Variants in TAB1 observed in about 807,000 individuals in gnomAD.
TAB1 encodes the protein TGF-beta-activated kinase 1 and MAP3K7-binding protein 1.
TAB1 carries 30 observed loss-of-function variants against 54.5 expected under a neutral mutation model. That is an observed-to-expected ratio of 0.55 (90% CI 0.41 to 0.75). TAB1 has a LOEUF of 0.75. Ranked by LOEUF, TAB1 falls within the 30% of genes least tolerant of loss-of-function variation. The pLI is 0.00. For synonymous variants in TAB1, 289 were observed against 286.9 expected (o/e 1.01, Z -0.07); for missense variants, 609 against 683.2 (o/e 0.89, Z 1.21).
At chr22:39,429,825 T>C (rs570824090) in intron 10 of TAB1, 190 bp from the exon 11 acceptor site, 292 of 985,430 alleles carry the variant, frequency 3.0e-4, no homozygotes, top group Admixed American at 2.8e-3. Context: ...CACATGCATC[T>C]GGTGCTTTAA....
chr22:39,426,553 G>A (rs1442286751), intron 8 of TAB1, 150 bp from the exon 9 acceptor site: 1 of 648,754 alleles, frequency 1.5e-6, no homozygotes, highest in Non-Finnish European at 2.6e-6. Context: ...ACCTTGAAAG[G>A]CTCAGATTGC....
chr22:39,400,890 C>A (rs1424866537), intron 1 of TAB1, among the ~76,000 whole-genome samples: 1 of 151,768 alleles, frequency 6.6e-6, no homozygotes, highest in Non-Finnish European at 1.5e-5. Context: ...AAAAATTAGC[C>A]GAGCGTGGTG....
chr22:39,433,194 G>A, downstream of TAB1: 1 of 985,220 alleles, frequency 1.0e-6, no homozygotes, highest in Non-Finnish European at 1.2e-6. Flanking sequence ...GCTCAGGCCT[G>A]TAATCCCAGC....
intron 10 of TAB1, chr22:39,429,046 A>G (rs1927473369): frequency 3.0e-6 from 3 of 985,298 alleles, no homozygotes; most frequent in Non-Finnish European, 3.6e-6. Context: ...CTGTGTCCAC[A>G]AAGCAGAGTG....
At position 39,431,600 on chromosome 22, in the gene TAB1, G is replaced by C. The variant is rs369222165; in HGVS notation, c.*1378G>C. On this transcript the variant is annotated 3_prime_UTR_variant, in exon 11 of 11. Coordinates refer to ENST00000216160, the MANE Select transcript of TAB1 (RefSeq NM_006116.3). The stretch of plus-strand genomic sequence containing the variant: ...CCTGGGAATCCATTTTCCTGCGGCA[G>C]AGCAGGGCCTGGTGTGGAACCAGGG... 1 of 985,476 alleles carries C rather than the reference G, an allele frequency of 1.0e-6. No individual in the cohort carries two copies. The highest frequency in any genetic ancestry group is 1.2e-6 in the Non-Finnish European group (1 of 829,976). The allele number at this position is 985,476 out of a possible 1,614,324, so 61.0% of individuals were successfully genotyped here.
At chr22:39,435,313 T>A (rs1296556398), downstream of TAB1, among the ~76,000 whole-genome samples, 1 of 152,116 alleles carries the variant, frequency 6.6e-6, no homozygotes, top group Non-Finnish European at 1.5e-5. Flanking sequence ...GTGTCAATCC[T>A]GTAGGTTTAT....
chr22:39,416,405 T>C (rs1178702069), intron 3 of TAB1, among the ~76,000 whole-genome samples: 1 of 152,206 alleles, frequency 6.6e-6, no homozygotes, highest in Admixed American at 6.5e-5. Context: ...AGTGCCAGGT[T>C]GGACTGTCTT....
downstream of TAB1, chr22:39,436,611 G>T: frequency 6.6e-7 from 1 of 1,506,464 alleles, no homozygotes; most frequent in Non-Finnish European, 9.2e-7. Flanking sequence ...TGGGAGCTGA[G>T]ATCATCCTGG....
chr22:39,431,199 A>C lies in TAB1; in HGVS notation c.*977A>C, dbSNP rs1474631090. ...GGAGGGAAGAGGTTCTTTGAGACAC[A>C]GTACCCTGGGAGGCATAGGAGAAGG... On this transcript the variant is annotated 3_prime_UTR_variant, in exon 11 of 11. Coordinates refer to ENST00000216160, the MANE Select transcript of TAB1 (RefSeq NM_006116.3). The C allele has an allele frequency of 2.0e-6, 2 of 985,586 alleles. No individual in the cohort carries two copies. Among genetic ancestry groups the C allele is most frequent in the African/African-American group, 1.7e-5 (1 of 57,246 alleles). The allele number at this position is 985,586 out of a possible 1,614,324, so 61.1% of individuals were successfully genotyped here. A position where few individuals can be genotyped will look rare whatever the true frequency, so the allele number is the denominator to read the frequency against.
intron 8 of TAB1, among the ~76,000 whole-genome samples, chr22:39,422,177 G>T (rs984187351): frequency 1.3e-5 from 2 of 152,156 alleles, no homozygotes; most frequent in Admixed American, 6.5e-5. Context: ...AGCAGTGCCA[G>T]TCCTCAGGGC....
At chr22:39,411,194 C>G (rs138909409) in intron 1 of TAB1, among the ~76,000 whole-genome samples, 103 of 152,010 alleles carry the variant, frequency 6.8e-4, no homozygotes, top group Non-Finnish European at 1.2e-3. Context: ...AAATATAAAA[C>G]TATAAAACTT....
At chr22:39,407,577 G>A (rs1161923444) in intron 1 of TAB1, among the ~76,000 whole-genome samples, 2 of 151,572 alleles carry the variant, frequency 1.3e-5, no homozygotes, top group Non-Finnish European at 2.9e-5. Context: ...TCTGCCTCCC[G>A]GGTTCCAGCG....
Position 39,426,967 on chromosome 22 carries a change from C to T in TAB1, c.1144+42C>T, listed in dbSNP as rs199930125. ...GACAGGCAGTGCCTGGGGATGCCAT[C>T]TGGGGGCCAGAGGTGGGTGCAGAGC... On this transcript the variant is annotated intron_variant, in intron 9 of 10. Coordinates refer to ENST00000216160, the MANE Select transcript of TAB1 (RefSeq NM_006116.3). The T allele has an allele frequency of 5.2e-4, 819 of 1,585,370 alleles. 7 individuals are homozygous for T. In the African/African-American group the frequency reaches 9.9e-3, roughly 19 times the overall value.
rs1013606126 is a variant in TAB1 at position 39,430,218 on chromosome 22, C to T, written c.1511C>T (p.Pro504Leu). 3.1e-6 allele frequency: 5 copies of T among 1,611,804 alleles called. No homozygotes were observed. The highest frequency in any genetic ancestry group is 2.2e-5 in the East Asian group (1 of 44,888). The change falls in exon 11 of 11, where the codon CCG becomes CTG. Residue 504 changes from proline to leucine, a missense_variant. Pro to Leu is a moderately conservative substitution (Grantham distance 98). Coordinates refer to ENST00000216160, the MANE Select transcript of TAB1 (RefSeq NM_006116.3). ...GGCGAGCAGAGCGTGGTGACAGCACCGTAGGGCAGCCGGAGAATGCAGCCC... is the reference window on the plus strand; with the variant it reads ...GGCGAGCAGAGCGTGGTGACAGCACTGTAGGGCAGCCGGAGAATGCAGCCC... Reference protein sequence around the residue: ...DHGEQSVVTAP With the variant: ...DHGEQSVVTAL
chr22:39,422,053 G>A (rs1927114664), intron 8 of TAB1, 82 bp downstream of exon 8: 10 of 1,270,080 alleles, frequency 7.9e-6, no homozygotes, highest in Non-Finnish European at 1.0e-5. Flanking sequence ...TTCTAGCACT[G>A]TGATTCTCGG....
At chr22:39,404,513 G>C (rs1926279533) in intron 1 of TAB1, among the ~76,000 whole-genome samples, 2 of 151,828 alleles carry the variant, frequency 1.3e-5, no homozygotes, top group African/African-American at 4.8e-5. Flanking sequence ...GTTGTAGTGA[G>C]GCTATGATCC....
chr22:39,404,554 C>T (rs1926281192), intron 1 of TAB1, among the ~76,000 whole-genome samples: 1 of 73,500 alleles, frequency 1.4e-5, no homozygotes, highest in African/African-American at 5.0e-5. Flanking sequence ...GGTGACACAG[C>T]AAGACCTGTT....
At chr22:39,427,046 T>TCTA in intron 9 of TAB1, 121 bp downstream of exon 9, 1 of 959,172 alleles carries the variant, frequency 1.0e-6, no homozygotes, top group African/African-American at 1.6e-5. Flanking sequence ...TCTGAGTGGC[T>TCTA]CTAATTCAGG....
chr22:39,399,947 G>GCTGACACACCCCACCAC, intron 1 of TAB1, 112 bp downstream of exon 1: 1 of 1,198,286 alleles, frequency 8.3e-7, no homozygotes, highest in South Asian at 1.3e-5. Flanking sequence ...CTCCGTGGTG[G>GCTGACACACCCCACCAC]GGTGTGTCAG....
Sources: allele counts gnomAD v4.1 joint callset (sites outside exome capture counted in the v4.1 genomes callset), GRCh38; gene constraint gnomAD v4.1.1; transcripts MANE v1.5; gene names NCBI Gene and HGNC (gene_info 2026-07-23, HGNC 2026-07-21).